Variants in TENM1 observed in about 807,000 individuals in gnomAD.
TENM1 encodes teneurin-1.
TENM1 carries 35 observed loss-of-function variants against 174.8 expected under a neutral mutation model. The observed-to-expected ratio is 0.20, with a 90% CI of 0.15 to 0.27. The LOEUF is 0.27. Among genes scored for constraint, TENM1 ranks in the 10% least tolerant of loss-of-function variants. The pLI, the probability that TENM1 is intolerant of heterozygous loss-of-function variation, is 1.00. For synonymous variants in TENM1, 781 were observed against 798.7 expected, an observed-to-expected ratio of 0.98 and a Z score of 0.37; for missense variants, 1,633 against 2,130.1, an observed-to-expected ratio of 0.77 and a Z score of 4.59.
intron 4 of TENM1, among the ~76,000 whole-genome samples, chrX:124,731,175 G>T (rs2053557649): frequency 9.0e-6 from 1 of 111,392 alleles, no homozygotes; most frequent in Non-Finnish European, 1.9e-5. Flanking sequence ...TGCTAAAGAT[G>T]ACAGAAAAGT....
chrX:124,776,398 G>A (rs2054785211), intron 3 of TENM1, among the ~76,000 whole-genome samples: 1 of 111,519 alleles, frequency 9.0e-6, no homozygotes, highest in Non-Finnish European at 1.9e-5. Flanking sequence ...TCAGAATACT[G>A]GATGATAATT....
the TENM1 span, among the ~76,000 whole-genome samples, chrX:125,136,117 A>G: frequency 9.0e-6 from 1 of 111,697 alleles, no homozygotes; most frequent in African/African-American, 3.3e-5. Context: ...TTAGACCTTA[A>G]GGAAGAGAAG....
At chrX:124,454,399 CTAGGT>C (rs1243522065) in intron 22 of TENM1, among the ~76,000 whole-genome samples, 1 of 49,224 alleles carries the variant, frequency 2.0e-5, no homozygotes. Flanking sequence ...CTAGGTATAT[CTAGGT>C]GTTTTTTTTT....
At chrX:124,514,197 G>A (rs2047646097) in intron 18 of TENM1, among the ~76,000 whole-genome samples, 1 of 110,964 alleles carries the variant, frequency 9.0e-6, no homozygotes, top group Admixed American at 9.6e-5. Context: ...CAGCTGAGCT[G>A]CATTTATGTG....
At chrX:124,398,089 G>A (rs1042700937) in intron 27 of TENM1, among the ~76,000 whole-genome samples, 4 of 109,043 alleles carry the variant, frequency 3.7e-5, no homozygotes, top group Admixed American at 9.7e-5. Flanking sequence ...TTAGCCGGGC[G>A]TGGTGGCAGG....
Position 124,673,975 on chromosome X carries a change from A to C in TENM1, c.1016-2140T>G, listed in dbSNP as rs1158164290. Among the ~76,000 whole-genome samples, 7 of 111,235 alleles carry C rather than the reference A, an allele frequency of 6.3e-5. No homozygotes were observed. The Admixed American group carries it at 6.7e-4, about 11-fold the overall frequency. On this transcript the variant is annotated intron_variant, in intron 5 of 31. Transcript: ENST00000422452. Reference sequence around the variant, plus strand: ...ATTTGTGTTTTGTTGATTGATGACTATTTGAATATGTGGCTTGAGACAGGA... The same window carrying C: ...ATTTGTGTTTTGTTGATTGATGACTCTTTGAATATGTGGCTTGAGACAGGA...
At chrX:125,046,581 G>T in the TENM1 span, among the ~76,000 whole-genome samples, 2 of 112,105 alleles carry the variant, frequency 1.8e-5, no homozygotes, top group East Asian at 5.7e-4. Context: ...GGATACAGAA[G>T]AAAACCTAAC....
At chrX:125,024,791 T>C in the TENM1 span, among the ~76,000 whole-genome samples, 1 of 112,247 alleles carries the variant, frequency 8.9e-6, no homozygotes, top group African/African-American at 3.2e-5. Context: ...ATAATGCAGT[T>C]AGTTAGCTTT....
chrX:124,629,776 G>A (rs2148345525), intron 11 of TENM1, among the ~76,000 whole-genome samples: 1 of 112,028 alleles, frequency 8.9e-6, no homozygotes, highest in Non-Finnish European at 1.9e-5. Flanking sequence ...CATTCTGATA[G>A]TCAAGAAAAA....
chrX:125,103,954 C>T, the TENM1 span, among the ~76,000 whole-genome samples: 2 of 111,375 alleles, frequency 1.8e-5, no homozygotes, highest in Non-Finnish European at 3.8e-5. Flanking sequence ...TGCATCACTG[C>T]ACCACTTCAG....
intron 27 of TENM1, 101 bp downstream of exon 30, chrX:124,404,930 C>A: frequency 1.3e-6 from 1 of 752,238 alleles, no homozygotes; most frequent in South Asian, 2.5e-5. Context: ...AATGGGACTT[C>A]AGTTTAGGGA....
intron 3 of TENM1, among the ~76,000 whole-genome samples, chrX:124,837,571 A>C (rs2056417907): frequency 8.9e-6 from 1 of 112,057 alleles, no homozygotes; most frequent in Non-Finnish European, 1.9e-5. Flanking sequence ...GAAGTGTAAA[A>C]TGGTTTATGT....
chrX:124,601,936 T>G (rs752821222), intron 11 of TENM1, among the ~76,000 whole-genome samples: 6 of 111,325 alleles, frequency 5.4e-5, no homozygotes, highest in Non-Finnish European at 9.5e-5. Flanking sequence ...CTCTAACCTT[T>G]TACTGATGGA....
At chrX:124,564,235 C>T (rs529009715) in intron 12 of TENM1, among the ~76,000 whole-genome samples, 1 of 111,946 alleles carries the variant, frequency 8.9e-6, no homozygotes, top group African/African-American at 3.2e-5. Flanking sequence ...TCTCACCCCT[C>T]TCCACCTTTT....
chrX:124,956,249 C>CT (rs1362128063), intron 1 of TENM1, among the ~76,000 whole-genome samples: 2 of 111,973 alleles, frequency 1.8e-5, no homozygotes, highest in Non-Finnish European at 3.8e-5. Context: ...TGACATGTAC[C>CT]TTCCCAACTG....
At chrX:124,608,346 A>C (rs2050206307) in intron 11 of TENM1, among the ~76,000 whole-genome samples, 1 of 111,385 alleles carries the variant, frequency 9.0e-6, no homozygotes, top group African/African-American at 3.3e-5. Flanking sequence ...GCTTTAGCCA[A>C]ATCAAATAAA....
chrX:125,050,024 A>C, the TENM1 span, among the ~76,000 whole-genome samples: 1 of 109,913 alleles, frequency 9.1e-6, no homozygotes, highest in Admixed American at 9.8e-5. Flanking sequence ...AAAGTTTAAA[A>C]GTGCTCATCA....
intron 15 of TENM1, among the ~76,000 whole-genome samples, chrX:124,537,407 A>G (rs770795321): frequency 2.2e-4 from 25 of 111,773 alleles, no homozygotes; most frequent in Non-Finnish European, 4.7e-4. Context: ...AGGCCCATTT[A>G]AAAAATGAAG....
chrX:125,023,955 T>A, the TENM1 span, among the ~76,000 whole-genome samples: 4 of 112,317 alleles, frequency 3.6e-5, no homozygotes, highest in South Asian at 1.5e-3. Context: ...AAGATGTATA[T>A]GTGGCCAACA....
Sources: gnomAD v4.1 joint callset for allele counts (sites outside exome capture counted in the v4.1 genomes callset) on GRCh38, gnomAD v4.1.1 for gene constraint, MANE v1.5 for transcripts, NCBI Gene and HGNC (gene_info 2026-07-23, HGNC 2026-07-21) for gene names.